TDRD3: variants seen among roughly 807,000 people sequenced by gnomAD.
TDRD3 encodes the protein tudor domain containing 3.
A neutral mutation model predicts 86.7 loss-of-function variants in TDRD3; 45 were observed. The ratio of observed to expected loss-of-function variants is 0.52; its 90% CI spans 0.41 to 0.67. The LOEUF is 0.67. Ranked by LOEUF, TDRD3 falls within the 30% of genes least tolerant of loss-of-function variation. The pLI, the probability that TDRD3 is intolerant of heterozygous loss-of-function variation, is 0.00. For missense variants in TDRD3, 814 were observed against 889.0 expected, an observed-to-expected ratio of 0.92 and a Z score of 1.07; for synonymous variants, 298 against 301.7, an observed-to-expected ratio of 0.99 and a Z score of 0.13.
intron 10 of TDRD3, among the ~76,000 whole-genome samples, chr13:60,525,040 TC>T (rs1412577923): frequency 1.9e-5 from 2 of 104,198 alleles, no homozygotes. Flanking sequence ...TGAGCCAAGA[TC>T]ACGCCACTGT....
chr13:60,535,387 C>A, intron 12 of TDRD3, 154 bp downstream of exon 12: 1 of 674,898 alleles, frequency 1.5e-6, no homozygotes, highest in Non-Finnish European at 2.2e-6. Flanking sequence ...TAATTCAATG[C>A]TTACACTGAA....
At chr13:60,467,027 T>C (rs1051674539) in intron 4 of TDRD3, among the ~76,000 whole-genome samples, 1 of 152,120 alleles carries the variant, frequency 6.6e-6, no homozygotes, top group Non-Finnish European at 1.5e-5. Context: ...GATGTGCAGA[T>C]TTGTTACATA....
chr13:60,411,982 G>A (rs541533416), intron 1 of TDRD3, among the ~76,000 whole-genome samples: 9 of 152,192 alleles, frequency 5.9e-5, no homozygotes, highest in Non-Finnish European at 1.0e-4. Flanking sequence ...GAGCCATAGA[G>A]TCAGTTCCCT....
In TDRD3 at chr13:60,510,698, GCACCAAGCA is replaced by G. The variant is rs1469117007; in HGVS notation, c.1087_1095del (p.Pro363_Thr365del). 6.2e-7 allele frequency: 1 copy of G among 1,602,356 alleles called. No individual in the cohort carries two copies. The highest frequency in any genetic ancestry group is 1.3e-5 in the African/African-American group (1 of 74,530). On this transcript the variant is annotated inframe_deletion, in exon 10 of 14. Coordinates refer to ENST00000377881, the MANE Select transcript of TDRD3 (RefSeq NM_001146070.2). ...GGACCTGGGAAATGCAAGGCCATCAGCACCAAGCACATTATTTGATTTCTTGGAATCTAA... is the reference window on the plus strand; with the variant it reads ...GGACCTGGGAAATGCAAGGCCATCAGCATTATTTGATTTCTTGGAATCTAA...
At chr13:60,551,255 T>C (rs1958046620) in intron 12 of TDRD3, among the ~76,000 whole-genome samples, 1 of 152,134 alleles carries the variant, frequency 6.6e-6, no homozygotes, top group South Asian at 2.1e-4. Flanking sequence ...TTAACTTTAG[T>C]TTTGTTTTCT....
intron 5 of TDRD3, among the ~76,000 whole-genome samples, chr13:60,481,273 T>C (rs1314455124): frequency 6.6e-6 from 1 of 152,174 alleles, no homozygotes; most frequent in Non-Finnish European, 1.5e-5. Flanking sequence ...TCTATGAGTT[T>C]ATTGTTTTCA....
intron 1 of TDRD3, among the ~76,000 whole-genome samples, chr13:60,422,982 A>G (rs1465873245): frequency 1.3e-5 from 2 of 152,196 alleles, no homozygotes. Context: ...ATCCACAGCA[A>G]TTAACTCCAA....
intron 8 of TDRD3, among the ~76,000 whole-genome samples, chr13:60,506,469 A>C (rs532611582): frequency 6.6e-6 from 1 of 152,132 alleles, no homozygotes; most frequent in South Asian, 2.1e-4. Flanking sequence ...ACACTGGCCG[A>C]GTGCAGTGGC....
At chr13:60,503,096 C>G (rs1420207780) in intron 8 of TDRD3, among the ~76,000 whole-genome samples, 1 of 152,122 alleles carries the variant, frequency 6.6e-6, no homozygotes, top group East Asian at 1.9e-4. Flanking sequence ...CAAGGATCAT[C>G]AATATTCTAA....
At chr13:60,429,535 A>G (rs1314237969) in intron 1 of TDRD3, among the ~76,000 whole-genome samples, 3 of 152,220 alleles carry the variant, frequency 2.0e-5, no homozygotes, top group Admixed American at 6.5e-5. Context: ...TTCATTTTGC[A>G]TTAGAAATTC....
At chr13:60,442,486 A>G (rs1225561092) in intron 2 of TDRD3, among the ~76,000 whole-genome samples, 3 of 151,762 alleles carry the variant, frequency 2.0e-5, no homozygotes, top group Admixed American at 6.6e-5. Flanking sequence ...CTGTATTATT[A>G]TTTTTTGTTG....
At chr13:60,399,370 T>C (rs888126081) in intron 1 of TDRD3, among the ~76,000 whole-genome samples, 4 of 152,240 alleles carry the variant, frequency 2.6e-5, no homozygotes, top group Non-Finnish European at 5.9e-5. Context: ...GCTGCTTCTG[T>C]ATGGCAGTGA....
chr13:60,416,449 G>T (rs893301626), intron 1 of TDRD3, among the ~76,000 whole-genome samples: 1 of 152,152 alleles, frequency 6.6e-6, no homozygotes, highest in African/African-American at 2.4e-5. Context: ...GAATGAAGCT[G>T]TATTTAAAAC....
At chr13:60,568,948 C>T (rs772082380) in intron 13 of TDRD3, among the ~76,000 whole-genome samples, 9 of 151,836 alleles carry the variant, frequency 5.9e-5, no homozygotes, top group Non-Finnish European at 1.2e-4. Flanking sequence ...ATATGTCAAC[C>T]GCAATTGTTT....
At chr13:60,536,200 A>G (rs1325459093) in intron 12 of TDRD3, 2 of 152,050 alleles carry the variant, frequency 1.3e-5, no homozygotes, top group Admixed American at 1.3e-4. Flanking sequence ...CAACAGAAAA[A>G]CAAAAAACCT....
At chr13:60,513,722 C>T (rs1490194733) in intron 10 of TDRD3, among the ~76,000 whole-genome samples, 4 of 152,224 alleles carry the variant, frequency 2.6e-5, no homozygotes, top group African/African-American at 9.6e-5. Context: ...TTTCCCTGAA[C>T]AAGCTCTCTC....
At chr13:60,463,653 A>C (rs1448382065) in intron 4 of TDRD3, among the ~76,000 whole-genome samples, 6 of 150,024 alleles carry the variant, frequency 4.0e-5, no homozygotes, top group African/African-American at 1.5e-4. Flanking sequence ...AGGAGCTCAA[A>C]TAATAGCAAA....
chr13:60,500,912 A>G (rs1956816142), intron 8 of TDRD3, among the ~76,000 whole-genome samples: 1 of 152,178 alleles, frequency 6.6e-6, no homozygotes, highest in South Asian at 2.1e-4. Flanking sequence ...CCTCTGTTCC[A>G]GCCACACCTA....
Position 60,437,483 on chromosome 13 carries a change from T to C in TDRD3, c.42-2205T>C, listed in dbSNP as rs539248253. On this transcript the variant is annotated intron_variant, in intron 1 of 13. Coordinates refer to ENST00000377881, the MANE Select transcript of TDRD3 (RefSeq NM_001146070.2). ...AATTGGGAGTTAGGAGTCATTTTTG[T>C]TTTTAACTTTGCATCTTCTAAATTT... 2.6e-5 allele frequency among the ~76,000 whole-genome samples: 4 copies of C among 152,098 alleles called. 1 individual carries two copies. In the South Asian group the frequency reaches 8.3e-4, roughly 32 times the overall value.
Sources: gnomAD v4.1 joint callset for allele counts (sites outside exome capture counted in the v4.1 genomes callset) on GRCh38, gnomAD v4.1.1 for gene constraint, MANE v1.5 for transcripts, NCBI Gene and HGNC (gene_info 2026-07-23, HGNC 2026-07-21) for gene names.